Variants in FHIT observed in about 807,000 individuals in gnomAD.
FHIT encodes bis(5'-adenosyl)-triphosphatase.
Under a neutral mutation model 17.9 loss-of-function variants are expected in FHIT, and 19 were observed. The ratio of observed to expected loss-of-function variants is 1.06; its 90% CI spans 0.74 to 1.56. The LOEUF (loss-of-function observed/expected upper bound fraction) is 1.56, where lower values mean the gene tolerates loss of function less well. Among genes scored for constraint, FHIT ranks in the 40% most tolerant of loss-of-function variants. The probability of loss-of-function intolerance (pLI) is 0.00; values close to 1 mark genes in which losing one functional copy is unlikely to be tolerated. For missense variants in FHIT, 248 were observed against 189.2 expected (o/e 1.31, Z -1.82); for synonymous variants, 81 against 69.7 (o/e 1.16, Z -0.81).
At chr3:60,635,512 G>C (rs183744614) in intron 4 of FHIT, among the ~76,000 whole-genome samples, 1 of 152,072 alleles carries the variant, frequency 6.6e-6, no homozygotes, top group Admixed American at 6.5e-5. Context: ...GGCTCCATTT[G>C]TCTTCATAGT....
At chr3:59,784,779 C>T (rs1324161116) in intron 8 of FHIT, among the ~76,000 whole-genome samples, 1 of 152,210 alleles carries the variant, frequency 6.6e-6, no homozygotes, top group Non-Finnish European at 1.5e-5. Context: ...CAGGCTCCAA[C>T]ATAGAATCTA....
At chr3:60,397,473 A>G (rs745558993) in intron 5 of FHIT, among the ~76,000 whole-genome samples, 2 of 152,160 alleles carry the variant, frequency 1.3e-5, no homozygotes, top group Admixed American at 1.3e-4. Flanking sequence ...TCTCACATGT[A>G]AAAGGAAGGA....
intron 7 of FHIT, among the ~76,000 whole-genome samples, chr3:60,008,530 T>G (rs1449104488): frequency 6.6e-6 from 1 of 152,156 alleles, no homozygotes; most frequent in Admixed American, 6.6e-5. Context: ...GTGGTGCACC[T>G]TCATTAACGA....
At chr3:59,995,475 A>G (rs952413628) in intron 7 of FHIT, among the ~76,000 whole-genome samples, 1 of 152,128 alleles carries the variant, frequency 6.6e-6, no homozygotes, top group Admixed American at 6.6e-5. Context: ...TTATCAACAC[A>G]TCTGGTCTTC....
intron 5 of FHIT, among the ~76,000 whole-genome samples, chr3:60,029,367 A>G (rs750062999): frequency 1.3e-5 from 2 of 152,204 alleles, no homozygotes; most frequent in Admixed American, 6.6e-5. Flanking sequence ...CAAATAAAAC[A>G]TATAGGTAAC....
chr3:60,199,916 A>G (rs1279155958), intron 5 of FHIT, among the ~76,000 whole-genome samples: 1 of 152,154 alleles, frequency 6.6e-6, no homozygotes, highest in Non-Finnish European at 1.5e-5. Context: ...AGTATACAAT[A>G]TAACTCCATT....
intron 5 of FHIT, among the ~76,000 whole-genome samples, chr3:60,175,849 C>T (rs1032978386): frequency 5.3e-5 from 8 of 152,026 alleles, no homozygotes; most frequent in Admixed American, 4.6e-4. Context: ...CTGTTAACTA[C>T]CCTAGTACAA....
chr3:61,035,918 A>G (rs1339498365), intron 3 of FHIT, among the ~76,000 whole-genome samples: 1 of 152,180 alleles, frequency 6.6e-6, no homozygotes, highest in Non-Finnish European at 1.5e-5. Flanking sequence ...GTTCAGTTTC[A>G]TTTCTCTGAT....
chr3:59,821,549 T>C (rs1398271733), intron 8 of FHIT, among the ~76,000 whole-genome samples: 5 of 152,204 alleles, frequency 3.3e-5, no homozygotes, highest in Non-Finnish European at 7.3e-5. Flanking sequence ...GAATCACCTC[T>C]GCCTTGCAGA....
At chr3:60,966,255 C>T (rs1332523727) in intron 3 of FHIT, among the ~76,000 whole-genome samples, 1 of 152,194 alleles carries the variant, frequency 6.6e-6, no homozygotes, top group Non-Finnish European at 1.5e-5. Context: ...CAGATATTAT[C>T]TCCTGGTGTG....
In FHIT at chr3:60,324,825, G is replaced by T. The variant is rs77399233; in HGVS notation, c.103+212035C>A. ...TATTACTTGGCTGATGATATACCTT[G>T]GTGTACTGTTTTCTTTATTTGAACA... On this transcript the variant is annotated intron_variant, in intron 5 of 9. Transcript: ENST00000492590. Among the ~76,000 whole-genome samples the T allele has an allele frequency of 5.8e-4, 88 of 152,012 alleles. No homozygotes were observed. In the East Asian group the frequency reaches 0.012, roughly 21 times the overall value.
chr3:60,100,664 G>A (rs534207044), intron 5 of FHIT, among the ~76,000 whole-genome samples: 2 of 152,256 alleles, frequency 1.3e-5, no homozygotes, highest in South Asian at 2.1e-4. Flanking sequence ...CTGTCATGGG[G>A]TAGAAGGGGC....
chr3:60,408,452 G>T (rs1400003033), intron 5 of FHIT, among the ~76,000 whole-genome samples: 1 of 152,114 alleles, frequency 6.6e-6, no homozygotes, highest in South Asian at 2.1e-4. Flanking sequence ...AAAACCCAGT[G>T]GGGCAAGGAA....
chr3:59,976,564 A>G (rs1708420784), intron 7 of FHIT, among the ~76,000 whole-genome samples: 1 of 152,016 alleles, frequency 6.6e-6, no homozygotes, highest in South Asian at 2.1e-4. Flanking sequence ...GAGAAAAAGA[A>G]AAAGGGGTGA....
intron 5 of FHIT, among the ~76,000 whole-genome samples, chr3:60,453,121 C>T (rs398105): frequency 0.51 from 77,487 of 151,928 alleles, 22,309 homozygotes; most frequent in African/African-American, 0.78. Flanking sequence ...AGCCAAATTA[C>T]AGTAACAGAG....
At chr3:60,963,361 TG>T (rs1553781830) in intron 3 of FHIT, among the ~76,000 whole-genome samples, 2 of 152,252 alleles carry the variant, frequency 1.3e-5, no homozygotes, top group Non-Finnish European at 2.9e-5. Context: ...TCAATTTTGT[TG>T]ATCTTTTCAA....
intron 7 of FHIT, among the ~76,000 whole-genome samples, chr3:59,980,253 A>T (rs536905104): frequency 6.6e-6 from 1 of 152,274 alleles, no homozygotes; most frequent in Admixed American, 6.5e-5. Flanking sequence ...ATCTCTGCCA[A>T]CTGTAAGGCA....
At chr3:59,998,106 G>A (rs1044162181) in intron 7 of FHIT, among the ~76,000 whole-genome samples, 2 of 152,122 alleles carry the variant, frequency 1.3e-5, no homozygotes, top group South Asian at 4.1e-4. Flanking sequence ...TATGAAATCT[G>A]CTTTATCTTT....
At chr3:59,804,840 C>T (rs1176945682) in intron 8 of FHIT, among the ~76,000 whole-genome samples, 1 of 152,122 alleles carries the variant, frequency 6.6e-6, no homozygotes, top group Non-Finnish European at 1.5e-5. Flanking sequence ...TGGAGCTGCC[C>T]CACGGTAGAA....
Sources: gnomAD v4.1 joint callset for allele counts (sites outside exome capture counted in the v4.1 genomes callset) on GRCh38, gnomAD v4.1.1 for gene constraint, MANE v1.5 for transcripts, NCBI Gene and HGNC (gene_info 2026-07-23, HGNC 2026-07-21) for gene names.